CFAP299: variants seen among roughly 807,000 people sequenced by gnomAD.
CFAP299 encodes cilia and flagella associated protein 299.
CFAP299 carries 21 observed loss-of-function variants against 27.0 expected under a neutral mutation model. The ratio of observed to expected loss-of-function variants is 0.78; its 90% confidence interval spans 0.55 to 1.12. CFAP299 has a LOEUF of 1.12. Ranked by LOEUF, CFAP299 falls within the 50% of genes most tolerant of loss-of-function variation. CFAP299 has a pLI of 0.00. For synonymous variants in CFAP299, 104 were observed against 98.1 expected, an observed-to-expected ratio of 1.06 and a Z score of -0.36; for missense variants, 310 against 276.6, an observed-to-expected ratio of 1.12 and a Z score of -0.86.
At chr4:80,346,032 T>C (rs1045916141) in intron 1 of CFAP299, among the ~76,000 whole-genome samples, 2 of 152,228 alleles carry the variant, frequency 1.3e-5, no homozygotes, top group African/African-American at 4.8e-5. Flanking sequence ...CCACTGATGA[T>C]GAGCATTTTT....
At chr4:80,851,214 G>A (rs1731503092) in intron 3 of CFAP299, among the ~76,000 whole-genome samples, 1 of 152,084 alleles carries the variant, frequency 6.6e-6, no homozygotes, top group Non-Finnish European at 1.5e-5. Flanking sequence ...AAGCTAAGGA[G>A]CATCTATATA....
intron 2 of CFAP299, among the ~76,000 whole-genome samples, chr4:80,391,046 T>C (rs946449348): frequency 1.3e-5 from 2 of 151,238 alleles, no homozygotes; most frequent in Admixed American, 6.6e-5. Context: ...CACACACACA[T>C]ATATACACAC....
intron 2 of CFAP299, among the ~76,000 whole-genome samples, chr4:80,450,293 G>A (rs1418440556): frequency 1.3e-5 from 2 of 152,122 alleles, no homozygotes. Context: ...ATTAATAAAT[G>A]CATTGATATA....
intron 3 of CFAP299, among the ~76,000 whole-genome samples, chr4:80,685,190 A>G (rs941647735): frequency 6.6e-6 from 1 of 152,164 alleles, no homozygotes; most frequent in African/African-American, 2.4e-5. Context: ...ACATGCACCT[A>G]ACATTTCTCT....
intron 2 of CFAP299, among the ~76,000 whole-genome samples, chr4:80,508,434 A>G (rs904084699): frequency 1.3e-5 from 2 of 152,200 alleles, no homozygotes; most frequent in South Asian, 2.1e-4. Context: ...CAATGTATTA[A>G]AATAAGAAAG....
chr4:80,410,916 G>T (rs527392228), intron 2 of CFAP299, among the ~76,000 whole-genome samples: 1 of 152,074 alleles, frequency 6.6e-6, no homozygotes, highest in East Asian at 1.9e-4. Flanking sequence ...GGCAGCTTTT[G>T]TTAATAAGAA....
intron 3 of CFAP299, among the ~76,000 whole-genome samples, chr4:80,684,785 C>CT (rs926939258): frequency 1.1e-4 from 16 of 150,496 alleles, no homozygotes; most frequent in South Asian, 4.2e-4. Context: ...CACTGTCATG[C>CT]TTTTTTTTTC....
chr4:80,581,461 T>TATATATATATAG (rs1736166198), intron 2 of CFAP299, among the ~76,000 whole-genome samples: 1 of 124,352 alleles, frequency 8.0e-6, no homozygotes, highest in African/African-American at 3.3e-5. Context: ...GAGATATATA[T>TATATATATATAG]ATATATATAT....
intron 3 of CFAP299, among the ~76,000 whole-genome samples, chr4:80,728,571 A>G (rs1032428075): frequency 1.3e-5 from 2 of 152,168 alleles, no homozygotes; most frequent in African/African-American, 4.8e-5. Flanking sequence ...AATCTTATTA[A>G]CCAATCCAGA....
intron 4 of CFAP299, among the ~76,000 whole-genome samples, chr4:80,911,603 A>C (rs939542889): frequency 1.3e-5 from 2 of 152,184 alleles, no homozygotes; most frequent in African/African-American, 4.8e-5. Flanking sequence ...TTAGAGTGTT[A>C]AGAAAAAATC....
chr4:80,823,750 G>C (rs1458619537), intron 3 of CFAP299, among the ~76,000 whole-genome samples: 1 of 152,048 alleles, frequency 6.6e-6, no homozygotes, highest in African/African-American at 2.4e-5. Flanking sequence ...AGCAATGCAT[G>C]AAGTAAGTAC....
chr4:80,425,083 G>A (rs1263206442), intron 2 of CFAP299, among the ~76,000 whole-genome samples: 1 of 152,098 alleles, frequency 6.6e-6, no homozygotes, highest in African/African-American at 2.4e-5. Flanking sequence ...TGTTGCTGTG[G>A]TTTGAAGGTG....
intron 3 of CFAP299, among the ~76,000 whole-genome samples, chr4:80,638,988 G>C (rs1739589603): frequency 6.6e-6 from 1 of 152,198 alleles, no homozygotes; most frequent in African/African-American, 2.4e-5. Flanking sequence ...TGCCCTAATG[G>C]AGCAGAAAGA....
At chr4:80,591,184 C>G (rs113076225) in intron 3 of CFAP299, among the ~76,000 whole-genome samples, 1 of 130,926 alleles carries the variant, frequency 7.6e-6, no homozygotes, top group Non-Finnish European at 1.6e-5. Context: ...AGTGCAGTGG[C>G]GGGATCTAGG....
intron 5 of CFAP299, among the ~76,000 whole-genome samples, chr4:80,953,224 C>T (rs1257719677): frequency 6.6e-6 from 1 of 152,142 alleles, no homozygotes; most frequent in East Asian, 1.9e-4. Flanking sequence ...GAATCACCAA[C>T]ACCACTTTTT....
rs142362506 is a variant in CFAP299 at position 80,439,934 on chromosome 4, A to G, written c.242+77050A>G. Among the ~76,000 whole-genome samples the G allele has an allele frequency of 8.5e-5, 13 of 152,318 alleles. No individual in the cohort carries two copies. In the East Asian group the frequency reaches 1.4e-3, roughly 16 times the overall value. ...TTCTCACAGTGTAAACAAAGCTGCC[A>G]GGAAGTTCGAACTGGGCGGAACCCC... On this transcript the variant is annotated intron_variant, in intron 2 of 5. Transcript: ENST00000358105.
intron 2 of CFAP299, among the ~76,000 whole-genome samples, chr4:80,422,242 T>C (rs947707509): frequency 2.6e-5 from 4 of 152,192 alleles, no homozygotes; most frequent in African/African-American, 9.7e-5. Context: ...ACTTAACAAC[T>C]ATTCACCATA....
chr4:80,412,491 A>G (rs1050055539), intron 2 of CFAP299, among the ~76,000 whole-genome samples: 1 of 152,158 alleles, frequency 6.6e-6, no homozygotes, highest in Non-Finnish European at 1.5e-5. Context: ...GAATGTGCAG[A>G]CATAACATAT....
intron 2 of CFAP299, among the ~76,000 whole-genome samples, chr4:80,372,813 A>G (rs1476333207): frequency 2.6e-5 from 4 of 152,162 alleles, no homozygotes; most frequent in Non-Finnish European, 5.9e-5. Flanking sequence ...AATAAACATA[A>G]CCCCGAGACA....
Sources: gnomAD v4.1 joint callset for allele counts (sites outside exome capture counted in the v4.1 genomes callset) on GRCh38, gnomAD v4.1.1 for gene constraint, MANE v1.5 for transcripts, NCBI Gene and HGNC (gene_info 2026-07-23, HGNC 2026-07-21) for gene names.